The following C16orf74 variants were observed in gnomAD, a reference collection of about 807,000 sequenced individuals.
C16orf74 encodes the protein calcimembrin, also known as uncharacterized protein C16orf74.
A neutral mutation model predicts 6.5 loss-of-function variants in C16orf74; 10 were observed. The ratio of observed to expected loss-of-function variants is 1.54; its 90% CI spans 0.95 to 2.61. C16orf74 has a LOEUF of 2.61. Among genes scored for constraint, C16orf74 ranks in the 30% most tolerant of loss-of-function variants. C16orf74 has a pLI of 0.00. For synonymous variants in C16orf74, 60 were observed against 42.5 expected, an observed-to-expected ratio of 1.41 and a Z score of -1.60; for missense variants, 141 against 105.9, an observed-to-expected ratio of 1.33 and a Z score of -1.45.
At chr16:85,742,271 G>A (rs1304647046) in intron 1 of C16orf74, among the ~76,000 whole-genome samples, 3 of 152,286 alleles carry the variant, frequency 2.0e-5, no homozygotes, top group South Asian at 2.1e-4. Context: ...TACTCAGGAG[G>A]CTGAAGAATG....
At position 85,724,247 on chromosome 16, in the gene C16orf74, C is replaced by T. The variant is rs564714741; in HGVS notation, c.28+10943G>A. On this transcript the variant is annotated intron_variant, in intron 2 of 3. Transcript: ENST00000284245. ...AAGCCAGGGAGACCCCCGGTGGGAC[C>T]GTGAGTCCCAGCACCTCCCCATCCC... Among the ~76,000 whole-genome samples the T allele has an allele frequency of 1.5e-4, 23 of 152,316 alleles. No homozygotes were observed. The South Asian group carries it at 4.1e-3, about 27-fold the overall frequency.
At chr16:85,742,462 C>G (rs959066478) in intron 1 of C16orf74, among the ~76,000 whole-genome samples, 1 of 152,184 alleles carries the variant, frequency 6.6e-6, no homozygotes, top group Non-Finnish European at 1.5e-5. Flanking sequence ...CTTCACCTTC[C>G]GCCTTGAGTG....
chr16:85,718,712 G>T (rs2054049491), intron 2 of C16orf74, among the ~76,000 whole-genome samples: 1 of 152,256 alleles, frequency 6.6e-6, no homozygotes, highest in African/African-American at 2.4e-5. Context: ...GAAAACTCCA[G>T]TGCTGGCCTC....
chr16:85,748,100 ATATATAC>A (rs2054393935), intron 1 of C16orf74, among the ~76,000 whole-genome samples: 1 of 66,094 alleles, frequency 1.5e-5, no homozygotes, highest in East Asian at 2.4e-4. Flanking sequence ...AAATATATAT[ATATATAC>A]ATATATATAT....
At chr16:85,747,370 T>C (rs1412284248) in intron 1 of C16orf74, among the ~76,000 whole-genome samples, 2 of 152,110 alleles carry the variant, frequency 1.3e-5, no homozygotes, top group East Asian at 3.9e-4. Flanking sequence ...GAGGATCACC[T>C]GAGCCCAGGA....
At chr16:85,711,372 T>C (rs1036107302) in intron 2 of C16orf74, among the ~76,000 whole-genome samples, 15 of 149,362 alleles carry the variant, frequency 1.0e-4, no homozygotes, top group Admixed American at 7.3e-4. Flanking sequence ...CCCAGCACTT[T>C]GGAAGGCTGA....
intron 2 of C16orf74, among the ~76,000 whole-genome samples, chr16:85,730,394 C>T (rs2152062753): frequency 6.6e-6 from 1 of 152,180 alleles, no homozygotes; most frequent in African/African-American, 2.4e-5. Context: ...AAGATGAGTG[C>T]CAAGGTGCCT....
intron 2 of C16orf74, among the ~76,000 whole-genome samples, chr16:85,729,369 A>T (rs112767628): frequency 0.028 from 4,259 of 152,318 alleles, 213 homozygotes; most frequent in African/African-American, 0.098. Context: ...GCCCTTGAGC[A>T]GAGGGACTCT....
intron 2 of C16orf74, among the ~76,000 whole-genome samples, chr16:85,711,549 G>A (rs1208793991): frequency 2.0e-5 from 3 of 151,558 alleles, no homozygotes; most frequent in Non-Finnish European, 4.4e-5. Context: ...CTTGAATCCG[G>A]GAGGCGGAGG....
intron 1 of C16orf74, among the ~76,000 whole-genome samples, chr16:85,737,865 C>T (rs1233019920): frequency 6.6e-6 from 1 of 152,094 alleles, no homozygotes; most frequent in Non-Finnish European, 1.5e-5. Context: ...CTTGTACAAC[C>T]CGCAGCCCTC....
At chr16:85,747,217 T>A (rs1231476936) in intron 1 of C16orf74, among the ~76,000 whole-genome samples, 1 of 152,064 alleles carries the variant, frequency 6.6e-6, no homozygotes, top group East Asian at 1.9e-4. Context: ...TATACATCAA[T>A]AAAAACATTT....
At chr16:85,718,644 C>T (rs570050611) in intron 2 of C16orf74, among the ~76,000 whole-genome samples, 1 of 152,348 alleles carries the variant, frequency 6.6e-6, no homozygotes, top group African/African-American at 2.4e-5. Flanking sequence ...AAGGACCACA[C>T]TTGAGTCCTC....
chr16:85,719,975 C>G (rs192319694), intron 2 of C16orf74, among the ~76,000 whole-genome samples: 1 of 152,010 alleles, frequency 6.6e-6, no homozygotes, highest in African/African-American at 2.4e-5. Context: ...CAGAGATGAC[C>G]GGGTGTCTGG....
chr16:85,745,139 T>TAA (rs10554549), intron 1 of C16orf74, among the ~76,000 whole-genome samples: 1,197 of 50,996 alleles, frequency 0.023, 48 homozygotes, highest in African/African-American at 0.033. Context: ...AAACTCTGTC[T>TAA]AAAAAAAAAA....
intron 2 of C16orf74, among the ~76,000 whole-genome samples, chr16:85,718,510 G>GACGGCCCACCTGGGCT (rs2054047434): frequency 6.6e-6 from 1 of 152,220 alleles, no homozygotes; most frequent in Non-Finnish European, 1.5e-5. Flanking sequence ...TGGACGGCCA[G>GACGGCCCACCTGGGCT]ACGGCCCACC....
chr16:85,707,691 G>T lies in C16orf74; in HGVS notation c.*317C>A, dbSNP rs1394531315. ...GCACAGCCCTGGGGGCTGGGAGGGT[G>T]TGTTTGTCCAGAAGAGAGCCTCTCC... On this transcript the variant is annotated 3_prime_UTR_variant, in exon 4 of 4. Transcript: ENST00000284245. 8 of 376,226 alleles carry T rather than the reference G, an allele frequency of 2.1e-5. No homozygotes were observed. The highest frequency in any genetic ancestry group is 3.8e-5 in the Non-Finnish European group (8 of 208,432). 23.3% of individuals were successfully genotyped at this position (376,226 alleles called of 1,614,324 possible).
intron 2 of C16orf74, among the ~76,000 whole-genome samples, chr16:85,733,875 C>T (rs2054216857): frequency 6.6e-6 from 1 of 152,158 alleles, no homozygotes; most frequent in Non-Finnish European, 1.5e-5. Context: ...CCAATCTCTC[C>T]GCAAGCGGTG....
At chr16:85,713,325 G>A (rs2053988347) in intron 2 of C16orf74, among the ~76,000 whole-genome samples, 1 of 152,088 alleles carries the variant, frequency 6.6e-6, no homozygotes, top group Non-Finnish European at 1.5e-5. Flanking sequence ...AGGCTGCAGT[G>A]CAGTGGCACA....
intron 2 of C16orf74, among the ~76,000 whole-genome samples, chr16:85,712,398 C>T (rs1398639240): frequency 1.3e-5 from 2 of 152,246 alleles, no homozygotes; most frequent in Non-Finnish European, 2.9e-5. Context: ...GTCAGCAAAT[C>T]TTTCCCTGAC....
Sources: gnomAD v4.1 joint callset for allele counts (sites outside exome capture counted in the v4.1 genomes callset) on GRCh38, gnomAD v4.1.1 for gene constraint, MANE v1.5 for transcripts, NCBI Gene and HGNC (gene_info 2026-07-23, HGNC 2026-07-21) for gene names.